Variants in PIK3C2A observed in about 807,000 individuals in gnomAD.
The protein encoded by PIK3C2A is phosphatidylinositol-4-phosphate 3-kinase catalytic subunit type 2 alpha.
PIK3C2A carries 97 observed loss-of-function variants against 204.5 expected under a neutral mutation model. The ratio of observed to expected loss-of-function variants is 0.47; its 90% confidence interval spans 0.40 to 0.56. The LOEUF is 0.56. PIK3C2A is among the 20% of genes least tolerant of loss of function. The pLI is 0.00. For missense variants in PIK3C2A, 1,735 were observed against 1,969.2 expected, an observed-to-expected ratio of 0.88 and a Z score of 2.25; for synonymous variants, 653 against 664.4, an observed-to-expected ratio of 0.98 and a Z score of 0.26.
intron 20 of PIK3C2A, among the ~76,000 whole-genome samples, chr11:17,113,790 A>G (rs1299353527): frequency 6.6e-6 from 1 of 150,426 alleles, no homozygotes; most frequent in Non-Finnish European, 1.5e-5. Context: ...TCAAAAAAAA[A>G]AAAAAAAAAG....
intron 8 of PIK3C2A, among the ~76,000 whole-genome samples, chr11:17,145,239 C>T (rs988799895): frequency 9.9e-5 from 15 of 152,078 alleles, no homozygotes; most frequent in Admixed American, 7.2e-4. Context: ...GGGCCAGGGG[C>T]ACAATGATGT....
Position 17,102,666 on chromosome 11 carries a change from T to G in PIK3C2A, c.3847A>C (p.Lys1283Gln). The G allele has an allele frequency of 6.2e-7, 1 of 1,607,814 alleles. No individual in the cohort carries two copies. The change falls in exon 24 of 33, where the codon AAA (lysine) becomes CAA (glutamine). Residue 1283 changes from lysine (K) to glutamine (Q), a missense_variant. Around this residue, in one of 6 missense-constraint regions of PIK3C2A, gnomAD observed 503 missense variants for 669.0 expected, o/e 0.75. Coordinates refer to ENST00000691414, the MANE Select transcript of PIK3C2A (RefSeq NM_002645.4). ...GCAACAGCAATAACATTATACCTTTTGAAGCTGCCAAACATCTGTGCATGT... is the reference window on the plus strand; with the variant it reads ...GCAACAGCAATAACATTATACCTTTGGAAGCTGCCAAACATCTGTGCATGT... ...LGHAQMFGSF[K>Q]RDRAPFVLTS...
intron 15 of PIK3C2A, among the ~76,000 whole-genome samples, chr11:17,121,553 T>C (rs1219856689): frequency 6.6e-6 from 1 of 152,220 alleles, no homozygotes; most frequent in African/African-American, 2.4e-5. Context: ...TTGTAGATTT[T>C]GCCAAATTGC....
intron 11 of PIK3C2A, among the ~76,000 whole-genome samples, chr11:17,132,916 G>T (rs899441131): frequency 3.9e-5 from 6 of 152,142 alleles, no homozygotes; most frequent in African/African-American, 1.4e-4. Flanking sequence ...GTACACAGCT[G>T]GTTGGATACA....
At chr11:17,194,226 C>G (rs1852060171) in intron 1 of PIK3C2A, 1 of 373,270 alleles carries the variant, frequency 2.7e-6, no homozygotes, top group Non-Finnish European at 4.7e-6. Context: ...AAGGATCAAA[C>G]CAAGGCCCAG....
At position 17,169,366 on chromosome 11, in the gene PIK3C2A, A is replaced by G; in HGVS notation, c.376T>C (p.Ser126Pro). The G allele has an allele frequency of 6.2e-7, 1 of 1,613,964 alleles. No individual in the cohort carries two copies. The highest frequency in any genetic ancestry group is 1.3e-5 in the African/African-American group (1 of 75,030). The stretch of plus-strand genomic sequence containing the variant: ...CTAAAATAGAGCTGTGCTGAAAAGG[A>G]AGGGCTCAGAATAGGAGTAACTGGT... ...VLPVTPILSP[S>P]FSAQLYFRPT... Residue 126 changes from serine (S) to proline (P), a missense_variant, in exon 2 of 33, where the codon TCC (serine) becomes CCC (proline). By Grantham distance (74) the Ser-to-Pro change is moderately conservative. This residue lies in a region of PIK3C2A where 536 missense variants were observed against 546.7 expected (regional missense o/e 0.98). Coordinates refer to ENST00000691414, the MANE Select transcript of PIK3C2A (RefSeq NM_002645.4).
rs375391359 is a variant in PIK3C2A, at chr11:17,147,369, C to G, written c.1560+148G>C. 6.9e-4 allele frequency: 403 copies of G among 582,982 alleles called. 7 individuals carry two copies. The South Asian group carries it at 9.1e-3, about 13-fold the overall frequency. 36.1% of individuals were successfully genotyped at this position (582,982 alleles called of 1,614,324 possible). On this transcript the variant is annotated intron_variant, in intron 6 of 32. Transcript: ENST00000691414. ...ACCTCCATGATTGAACATCTCCCCT[C>G]ATTTGCTAAGAAGATTCCTGTTGAG...
chr11:17,108,944 T>C (rs1430705382), intron 22 of PIK3C2A, among the ~76,000 whole-genome samples: 1 of 152,224 alleles, frequency 6.6e-6, no homozygotes, highest in Non-Finnish European at 1.5e-5. Context: ...AATTATATGA[T>C]AGTCTCTGAA....
intron 15 of PIK3C2A, among the ~76,000 whole-genome samples, chr11:17,121,045 G>T (rs1219621281): frequency 6.6e-6 from 1 of 152,022 alleles, no homozygotes; most frequent in East Asian, 1.9e-4. Flanking sequence ...TAGTTACATG[G>T]TTCTCTACCA....
intron 1 of PIK3C2A, among the ~76,000 whole-genome samples, chr11:17,178,932 T>C (rs931183171): frequency 2.0e-5 from 3 of 149,172 alleles, no homozygotes; most frequent in African/African-American, 7.4e-5. Context: ...GGTTTCACCT[T>C]GTTAGCCAGG....
chr11:17,115,200 A>G (rs1325592046), intron 19 of PIK3C2A, among the ~76,000 whole-genome samples: 2 of 152,042 alleles, frequency 1.3e-5, no homozygotes, highest in African/African-American at 4.8e-5. Context: ...GAGGACTTAC[A>G]TTGTCCAATT....
At chr11:17,176,254 G>A (rs1851337518) in intron 1 of PIK3C2A, among the ~76,000 whole-genome samples, 2 of 151,650 alleles carry the variant, frequency 1.3e-5, no homozygotes, top group Middle Eastern at 3.4e-3. Context: ...TGATCCACCC[G>A]CCTCAGCTTC....
rs529040077 is a variant in PIK3C2A at position 17,088,007 on chromosome 11, G to C, written c.*1731C>G. 147 of 151,194 alleles carry C rather than the reference G, an allele frequency of 9.7e-4. No homozygotes were observed. Among genetic ancestry groups the C allele is most frequent in the African/African-American group, 3.4e-3 (140 of 41,146 alleles). The allele number at this position is 151,194 out of a possible 1,614,324, so 9.4% of individuals were successfully genotyped here. A position where few individuals can be genotyped will look rare whatever the true frequency, so the allele number is the denominator to read the frequency against. ...GTATCACCATTTACATTAAACATTT[G>C]TGCAGTTCATAAAAATTCTGTTCTG... On this transcript the variant is annotated 3_prime_UTR_variant, in exon 33 of 33. Coordinates refer to ENST00000691414, the MANE Select transcript of PIK3C2A (RefSeq NM_002645.4).
chr11:17,095,062 A>C (rs922830644), intron 27 of PIK3C2A, among the ~76,000 whole-genome samples: 8 of 152,158 alleles, frequency 5.3e-5, no homozygotes, highest in African/African-American at 1.7e-4. Context: ...CAGCCTGTGC[A>C]ACATAGTAAG....
chr11:17,165,782 G>GAA (rs35384397), intron 2 of PIK3C2A, among the ~76,000 whole-genome samples: 1 of 78,844 alleles, frequency 1.3e-5, no homozygotes, highest in Admixed American at 1.4e-4. Flanking sequence ...TCAAAAAAGT[G>GAA]AAAAAAAAAA....
chr11:17,114,778 T>C (rs2137324533), intron 19 of PIK3C2A, among the ~76,000 whole-genome samples: 1 of 152,330 alleles, frequency 6.6e-6, no homozygotes, highest in Non-Finnish European at 1.5e-5. Context: ...CAACATCCTG[T>C]GTTAGGAAAC....
intron 1 of PIK3C2A, among the ~76,000 whole-genome samples, chr11:17,172,607 C>T (rs1275027693): frequency 1.3e-5 from 2 of 152,186 alleles, no homozygotes; most frequent in East Asian, 1.9e-4. Flanking sequence ...GAAAACAAAG[C>T]GCAAGCCATT....
At chr11:17,130,243 A>C (rs1849651476) in intron 12 of PIK3C2A, among the ~76,000 whole-genome samples, 1 of 152,166 alleles carries the variant, frequency 6.6e-6, no homozygotes, top group Non-Finnish European at 1.5e-5. Context: ...ATACACCAAC[A>C]GACATATGTT....
chr11:17,117,703 T>C, intron 18 of PIK3C2A, 32 bp from the exon 19 acceptor site: 2 of 1,016,942 alleles, frequency 2.0e-6, no homozygotes, highest in Non-Finnish European at 2.8e-6. Flanking sequence ...GTTAGTCACG[T>C]CTTGGTTTTT....
Sources: gnomAD v4.1 joint callset for allele counts (sites outside exome capture counted in the v4.1 genomes callset) on GRCh38, gnomAD v4.1.1 for gene constraint, gnomAD v4.1.1 regional missense constraint, MANE v1.5 for transcripts, NCBI Gene and HGNC (gene_info 2026-07-23, HGNC 2026-07-21) for gene names.